Variants in GPI observed in about 807,000 individuals in gnomAD.
The protein encoded by GPI is D-hexose-6-phosphate anomerase.
In GPI, 56 loss-of-function variants were observed where a neutral mutation model predicts 75.8. The observed-to-expected ratio is 0.74, with a 90% confidence interval of 0.60 to 0.92. GPI has a LOEUF of 0.92. Ranked by LOEUF, GPI falls within the 40% of genes least tolerant of loss-of-function variation. The probability of loss-of-function intolerance (pLI) is 0.00; values close to 1 mark genes in which losing one functional copy is unlikely to be tolerated. For synonymous variants in GPI, 288 were observed against 285.4 expected, an observed-to-expected ratio of 1.01 and a Z score of -0.09; for missense variants, 638 against 741.0, an observed-to-expected ratio of 0.86 and a Z score of 1.61.
At chr19:34,395,308 A>T (rs950648323) in intron 12 of GPI, among the ~76,000 whole-genome samples, 9 of 151,096 alleles carry the variant, frequency 6.0e-5, no homozygotes, top group Non-Finnish European at 1.2e-4. Context: ...GCTGGGGGGA[A>T]TTGCTTGAGC....
chr19:34,393,512 A>G lies in GPI; in HGVS notation c.865+204A>G, dbSNP rs1445732108. 8 of 708,522 alleles carry G rather than the reference A, an allele frequency of 1.1e-5. No individual in the cohort carries two copies. The highest frequency in any genetic ancestry group is 1.8e-5 in the Non-Finnish European group (7 of 397,110). 43.9% of individuals were successfully genotyped at this position (708,522 alleles called of 1,614,324 possible). On this transcript the variant is annotated intron_variant, in intron 10 of 17. Transcript: ENST00000356487. This position sits in a 1 kb window ranked among gnomAD's most constrained non-coding sequence, Gnocchi z 4.4. The stretch of plus-strand genomic sequence containing the variant: ...AAGTTGGCCCCCGTCTTTGCCCCTC[A>G]CAACTGCAGTCCTGTTTCTCTCCTA...
At chr19:34,362,726 G>A (rs1265247841), upstream of GPI, among the ~76,000 whole-genome samples, 1 of 152,164 alleles carries the variant, frequency 6.6e-6, no homozygotes, top group Non-Finnish European at 1.5e-5. Context: ...CATCTCTGTG[G>A]GGATCATTCT....
chr19:34,377,906 C>T (rs1599825257), intron 6 of GPI, 25 bp downstream of exon 6: 5 of 1,613,282 alleles, frequency 3.1e-6, no homozygotes, highest in East Asian at 2.2e-5. Context: ...AACTGCCCGG[C>T]CCCTGGCCCT....
chr19:34,389,670 T>C (rs1283953096), intron 9 of GPI, among the ~76,000 whole-genome samples: 2 of 152,210 alleles, frequency 1.3e-5, no homozygotes, highest in African/African-American at 2.4e-5. Context: ...TTGCATGTGC[T>C]GTTATGGCTG....
At chr19:34,364,787 A>C (rs1174526697), upstream of GPI, 2 of 462,886 alleles carry the variant, frequency 4.3e-6, no homozygotes, top group Non-Finnish European at 7.6e-6. Context: ...GTACTTGCTT[A>C]TTTGGCACAT....
intron 4 of GPI, among the ~76,000 whole-genome samples, chr19:34,370,394 G>T (rs2074433334): frequency 6.6e-6 from 1 of 152,144 alleles, no homozygotes; most frequent in African/African-American, 2.4e-5. Context: ...GCTGGTCAGA[G>T]TCCAGTTACT....
chr19:34,360,233 C>A (rs1051977249), upstream of GPI, among the ~76,000 whole-genome samples: 3 of 152,124 alleles, frequency 2.0e-5, no homozygotes, highest in Admixed American at 2.0e-4. Flanking sequence ...CTAAGCTCTG[C>A]GATCGGCAGG....
At position 34,377,315 on chromosome 19, in the gene GPI, AAAAAAAAAAAAAAAAAAAAAAATAT is replaced by A. The variant is rs1217261063; in HGVS notation, c.403-186_403-162del. 9.5e-4 allele frequency among the ~76,000 whole-genome samples: 79 copies of A among 83,144 alleles called. 2 individuals are homozygous for A. The highest frequency in any genetic ancestry group is 4.6e-3 in the African/African-American group (77 of 16,810). The allele number at this position is 83,144 out of a possible 152,430, so 54.5% of individuals were successfully genotyped here. ...AGGCTTCATCTCAAAAAAAAAAAAA[AAAAAAAAAAAAAAAAAAAAAAATAT>A]ATATATATATATATATATGGTAAAT... On this transcript the variant is annotated intron_variant, in intron 4 of 17. Coordinates refer to ENST00000356487, the MANE Select transcript of GPI (RefSeq NM_000175.5).
Position 34,400,810 on chromosome 19 carries a change from C to T in GPI, c.*774C>T, listed in dbSNP as rs1039038995. 4.6e-5 allele frequency: 17 copies of T among 370,578 alleles called. No homozygotes were observed. The East Asian group carries it at 5.4e-4, about 12-fold the overall frequency. The allele number at this position is 370,578 out of a possible 1,614,324, so 23.0% of individuals were successfully genotyped here. On this transcript the variant is annotated 3_prime_UTR_variant, in exon 18 of 18. Coordinates refer to ENST00000356487, the MANE Select transcript of GPI (RefSeq NM_000175.5). The stretch of plus-strand genomic sequence containing the variant: ...TGCAATCTCGGCTCACTGCAACCTC[C>T]GCCTCCCGGGTTCAAGCTATTCTCC...
rs1009266744 is a variant in GPI, at chr19:34,374,620, G to A, written c.403-2883G>A. Among the ~76,000 whole-genome samples, 92 of 152,146 alleles carry A rather than the reference G, an allele frequency of 6.0e-4. 2 individuals are homozygous for A. The highest frequency in any genetic ancestry group is 1.5e-4 in the Non-Finnish European group (10 of 68,020). On this transcript the variant is annotated intron_variant, in intron 4 of 17. Transcript: ENST00000356487. ...CAATCTGAAGACATGAGAATTTAAA[G>A]AGACAAATTACCCCTCACACACCCA...
At chr19:34,391,478 T>A (rs1325372961) in intron 9 of GPI, among the ~76,000 whole-genome samples, 1 of 826 alleles carries the variant, frequency 1.2e-3, no homozygotes, top group African/African-American at 3.6e-3. Context: ...AGATGTGTCT[T>A]CCAGTGACTT....
rs577576584 is a variant in GPI at position 34,369,675 on chromosome 19, C to T, written c.402+973C>T. Among the ~76,000 whole-genome samples the T allele has an allele frequency of 1.4e-3, 215 of 150,854 alleles. 1 individual carries two copies. Among genetic ancestry groups the T allele is most frequent in the Middle Eastern group, 0.01 (3 of 292 alleles). ...TGAGCTGCGATTGCGCCACTGCACT[C>T]CAGCCTGGGCGACAGAGGGAGACTC... On this transcript the variant is annotated intron_variant, in intron 4 of 17. Coordinates refer to ENST00000356487, the MANE Select transcript of GPI (RefSeq NM_000175.5).
At chr19:34,392,121 GCATC>G (rs1404199892) in intron 9 of GPI, 57 of 496 alleles carry the variant, frequency 0.11, no homozygotes, top group South Asian at 0.33. Flanking sequence ...AAGAGGATCT[GCATC>G]TGTCAGTTTC....
chr19:34,385,991 TGG>T, intron 9 of GPI, among the ~76,000 whole-genome samples: 1 of 147,316 alleles, frequency 6.8e-6, no homozygotes, highest in African/African-American at 2.5e-5. Flanking sequence ...GCTGGCCCAC[TGG>T]GTGTGGTTTG....
intron 8 of GPI, among the ~76,000 whole-genome samples, chr19:34,380,626 G>A (rs2074635789): frequency 6.6e-6 from 1 of 152,168 alleles, no homozygotes; most frequent in African/African-American, 2.4e-5. Context: ...TTAGAACCTG[G>A]GTCTCCTGTC....
In GPI at chr19:34,393,953, C is replaced by G. The variant is rs1385228870; in HGVS notation, c.949C>G (p.Pro317Ala). 1 of 1,613,834 alleles carries G rather than the reference C, an allele frequency of 6.2e-7. No individual in the cohort carries two copies. The highest frequency in any genetic ancestry group is 8.5e-7 in the Non-Finnish European group (1 of 1,179,968). The change falls in exon 12 of 18, where the codon CCC becomes GCC. Residue 317 changes from proline (P) to alanine (A), a missense_variant. Physicochemically the swap from Pro to Ala is conservative, Grantham distance 27 (BLOSUM62 -1). Coordinates refer to ENST00000356487, the MANE Select transcript of GPI (RefSeq NM_000175.5). This position sits in a 1 kb window ranked among gnomAD's most constrained non-coding sequence, Gnocchi z 4.4. ...CACGACGCCCCTGGAGAAGAACGCC[C>G]CCGTCTTGCTGGCCCTGCTGGGTAT... ...FRTTPLEKNA[P>A]VLLALLGIWY...
chr19:34,380,943 C>T, intron 8 of GPI: 1 of 241,984 alleles, frequency 4.1e-6, no homozygotes, highest in Non-Finnish European at 8.3e-6. Flanking sequence ...AATTGCTGGC[C>T]CTGTCTGCCC....
At chr19:34,382,443 A>G (rs935228727) in intron 9 of GPI, among the ~76,000 whole-genome samples, 17 of 152,162 alleles carry the variant, frequency 1.1e-4, no homozygotes, top group African/African-American at 4.1e-4. Flanking sequence ...ACTGTGTATA[A>G]TGAGTTAACT....
intron 3 of GPI, chr19:34,367,128 T>C (rs1178779391): frequency 6.8e-6 from 4 of 584,340 alleles, no homozygotes; most frequent in Non-Finnish European, 1.3e-5. Context: ...TGACATTTTC[T>C]TGGAGAAGTT....
Sources: gnomAD v4.1 joint callset for allele counts (sites outside exome capture counted in the v4.1 genomes callset) on GRCh38, gnomAD v4.1.1 for gene constraint, Gnocchi (gnomAD v3.1) non-coding constraint, MANE v1.5 for transcripts, NCBI Gene and HGNC (gene_info 2026-07-23, HGNC 2026-07-21) for gene names.